The following TENM3 variants were observed in gnomAD, a reference collection of about 807,000 sequenced individuals.
TENM3 encodes the protein teneurin transmembrane protein 3.
TENM3 carries 63 observed loss-of-function variants against 255.1 expected under a neutral mutation model. That is an observed-to-expected ratio of 0.25 (90% CI 0.20 to 0.30). The LOEUF (loss-of-function observed/expected upper bound fraction) is 0.30, where lower values mean the gene tolerates loss of function less well. TENM3 is among the 10% of genes least tolerant of loss of function. TENM3 has a pLI of 1.00. For synonymous variants in TENM3, 1,306 were observed against 1,322.3 expected, an observed-to-expected ratio of 0.99 and a Z score of 0.27; for missense variants, 2,929 against 3,461.1, an observed-to-expected ratio of 0.85 and a Z score of 3.86.
At chr4:181,617,116 T>C in the TENM3 span, among the ~76,000 whole-genome samples, 186 of 152,278 alleles carry the variant, frequency 1.2e-3, 1 homozygote, top group African/African-American at 4.2e-3. Context: ...CACAAAATTA[T>C]GCATATAAAT....
At chr4:182,588,670 C>T (rs1276144823) in intron 3 of TENM3, among the ~76,000 whole-genome samples, 1 of 152,094 alleles carries the variant, frequency 6.6e-6, no homozygotes, top group African/African-American at 2.4e-5. Flanking sequence ...CTGAAACATA[C>T]ACTGAGACAT....
chr4:182,637,912 G>A (rs918820656), intron 5 of TENM3, among the ~76,000 whole-genome samples: 8 of 152,182 alleles, frequency 5.3e-5, no homozygotes, highest in South Asian at 2.1e-4. Flanking sequence ...AAATGCTGAC[G>A]TAGGGACAGA....
the TENM3 span, among the ~76,000 whole-genome samples, chr4:181,487,638 G>C: frequency 6.6e-6 from 1 of 152,076 alleles, no homozygotes; most frequent in Non-Finnish European, 1.5e-5. Flanking sequence ...TAATTTGGGG[G>C]TTAGAATTTC....
At chr4:181,968,808 G>A in the TENM3 span, among the ~76,000 whole-genome samples, 3 of 152,062 alleles carry the variant, frequency 2.0e-5, no homozygotes, top group Admixed American at 6.6e-5. Flanking sequence ...TGTTCACAGG[G>A]TAGATCTTAT....
chr4:182,430,441 G>A (rs1771536249), intron 3 of TENM3, among the ~76,000 whole-genome samples: 1 of 151,318 alleles, frequency 6.6e-6, no homozygotes, highest in Admixed American at 6.6e-5. Flanking sequence ...CCAGCTACTC[G>A]GGAGGCTGAG....
chr4:181,600,178 C>G, the TENM3 span, among the ~76,000 whole-genome samples: 8 of 152,318 alleles, frequency 5.3e-5, no homozygotes, highest in Non-Finnish European at 1.2e-4. Flanking sequence ...ATCATTTTCA[C>G]TGCTGTGTAA....
At chr4:182,135,197 T>C in the TENM3 span, among the ~76,000 whole-genome samples, 1 of 95,124 alleles carries the variant, frequency 1.1e-5, no homozygotes, top group African/African-American at 4.5e-5. Context: ...AGGGTGAGAC[T>C]CGGTCTCAAA....
At chr4:182,549,784 C>G (rs530274951) in intron 3 of TENM3, among the ~76,000 whole-genome samples, 180 of 152,238 alleles carry the variant, frequency 1.2e-3, no homozygotes, top group Non-Finnish European at 1.8e-3. Flanking sequence ...TCAAGTAGGG[C>G]TAAAAACATT....
At chr4:181,798,248 TG>T in the TENM3 span, among the ~76,000 whole-genome samples, 1 of 152,110 alleles carries the variant, frequency 6.6e-6, no homozygotes. Context: ...AGACGCATCT[TG>T]GGTCATACAA....
intron 22 of TENM3, among the ~76,000 whole-genome samples, chr4:182,760,013 G>A (rs755807083): frequency 3.9e-5 from 6 of 152,178 alleles, no homozygotes; most frequent in Non-Finnish European, 5.9e-5. Flanking sequence ...CACTGAGTTA[G>A]ACTAATATGT....
the TENM3 span, among the ~76,000 whole-genome samples, chr4:182,081,268 C>T: frequency 6.6e-6 from 1 of 151,874 alleles, no homozygotes; most frequent in Non-Finnish European, 1.5e-5. Flanking sequence ...TTTGTGGGCA[C>T]CAAGTGCTTC....
In TENM3 at chr4:182,630,663, A is replaced by G. The variant is rs901266279; in HGVS notation, c.988+1774A>G. 2.0e-5 allele frequency among the ~76,000 whole-genome samples: 3 copies of G among 152,166 alleles called. No homozygotes were observed. The East Asian group carries it at 5.8e-4, about 29-fold the overall frequency. ...AAACCACCATGGCACACATTTACCT[A>G]TGTAACAAACCTGCACATCCTGCAC... On this transcript the variant is annotated intron_variant, in intron 5 of 27. Coordinates refer to ENST00000511685, the MANE Select transcript of TENM3 (RefSeq NM_001080477.4).
At chr4:182,556,423 A>G (rs1406049704) in intron 3 of TENM3, among the ~76,000 whole-genome samples, 1 of 152,234 alleles carries the variant, frequency 6.6e-6, no homozygotes, top group Non-Finnish European at 1.5e-5. Flanking sequence ...TTATTGCATT[A>G]CAAACTCAAC....
chr4:182,388,568 G>C (rs528648637), intron 3 of TENM3, among the ~76,000 whole-genome samples: 2 of 152,230 alleles, frequency 1.3e-5, no homozygotes. Context: ...ACTTTTCCTT[G>C]TTCTCTCACC....
At chr4:182,698,974 C>G (rs923112300) in intron 12 of TENM3, among the ~76,000 whole-genome samples, 1 of 152,132 alleles carries the variant, frequency 6.6e-6, no homozygotes, top group African/African-American at 2.4e-5. Context: ...ATTTAACATA[C>G]GTTTTTCCAC....
chr4:182,274,130 T>C (rs1579981215), intron 1 of TENM3, among the ~76,000 whole-genome samples: 1 of 152,268 alleles, frequency 6.6e-6, no homozygotes, highest in East Asian at 1.9e-4. Flanking sequence ...TCAAAGAAAG[T>C]AGAAAATGCT....
At chr4:181,715,299 G>A in the TENM3 span, among the ~76,000 whole-genome samples, 1 of 152,102 alleles carries the variant, frequency 6.6e-6, no homozygotes, top group African/African-American at 2.4e-5. Context: ...TTGCACATTT[G>A]AGCTGTTTAA....
chr4:181,939,997 GGAA>G, the TENM3 span, among the ~76,000 whole-genome samples: 1 of 152,154 alleles, frequency 6.6e-6, no homozygotes, highest in Non-Finnish European at 1.5e-5. Flanking sequence ...GAAAGCTGGA[GGAA>G]TTTAAGCAGA....
At chr4:182,101,100 G>GGAAGGAAAGA in the TENM3 span, among the ~76,000 whole-genome samples, 1 of 10,170 alleles carries the variant, frequency 9.8e-5, no homozygotes, top group Non-Finnish European at 2.8e-4. Flanking sequence ...GGGAGGGAGG[G>GGAAGGAAAGA]AGGGAGGAAG....
Sources: gnomAD v4.1 joint callset for allele counts (sites outside exome capture counted in the v4.1 genomes callset) on GRCh38, gnomAD v4.1.1 for gene constraint, MANE v1.5 for transcripts, NCBI Gene and HGNC (gene_info 2026-07-23, HGNC 2026-07-21) for gene names.